FNIP2: variants seen among roughly 807,000 people sequenced by gnomAD.
FNIP2 encodes the protein folliculin-interacting protein 2.
FNIP2 carries 32 observed loss-of-function variants against 108.7 expected under a neutral mutation model. The ratio of observed to expected loss-of-function variants is 0.29; its 90% CI spans 0.22 to 0.40. FNIP2 has a LOEUF of 0.40. FNIP2 is among the 10% of genes least tolerant of loss of function. The probability of loss-of-function intolerance (pLI) is 1.00; values close to 1 mark genes in which losing one functional copy is unlikely to be tolerated. For synonymous variants in FNIP2, 480 were observed against 496.7 expected (o/e 0.97, Z 0.45); for missense variants, 1,202 against 1,381.6 (o/e 0.87, Z 2.06).
In FNIP2 at chr4:158,835,409, C is replaced by T. The variant is rs911319391; in HGVS notation, c.660C>T (p.His220=). Residue 220 remains histidine, a synonymous_variant, in exon 7 of 17, where the codon CAC becomes CAT. Coordinates refer to ENST00000264433, the MANE Select transcript of FNIP2 (RefSeq NM_020840.3). ...GPCRTGSNLA[H]STPVDMPSRG... ...TTTCTTGTTCCTTTATCTTAGCACACAGCACACCAGTTGATATGCCAAGCA... is the reference window on the plus strand; with the variant it reads ...TTTCTTGTTCCTTTATCTTAGCACATAGCACACCAGTTGATATGCCAAGCA... 2 of 1,611,886 alleles carry T rather than the reference C, an allele frequency of 1.2e-6. No individual in the cohort carries two copies. The highest frequency in any genetic ancestry group is 1.7e-6 in the Non-Finnish European group (2 of 1,178,758).
At chr4:158,799,553 A>G (rs959391093) in intron 1 of FNIP2, among the ~76,000 whole-genome samples, 11 of 152,206 alleles carry the variant, frequency 7.2e-5, no homozygotes, top group Admixed American at 5.9e-4. Flanking sequence ...AGAGAATGAG[A>G]GATCTGTGAA....
At chr4:158,828,581 A>G (rs1778286558) in intron 2 of FNIP2, among the ~76,000 whole-genome samples, 1 of 152,172 alleles carries the variant, frequency 6.6e-6, no homozygotes. Context: ...ATGCCGCTGC[A>G]CTACAGCCTG....
intron 1 of FNIP2, among the ~76,000 whole-genome samples, chr4:158,793,225 G>A (rs904378929): frequency 2.0e-5 from 3 of 152,202 alleles, no homozygotes; most frequent in Non-Finnish European, 2.9e-5. Flanking sequence ...TGCCTACAAG[G>A]TGCAGCTGTC....
intron 10 of FNIP2, 133 bp from the exon 11 acceptor site, chr4:158,861,207 CCT>C (rs1368095542): frequency 9.4e-7 from 1 of 1,065,666 alleles, no homozygotes; most frequent in Non-Finnish European, 1.3e-6. Flanking sequence ...GTGTGCAACC[CCT>C]GTTATGTGTG....
chr4:158,863,011 A>G (rs956284163), intron 12 of FNIP2, among the ~76,000 whole-genome samples: 1 of 152,224 alleles, frequency 6.6e-6, no homozygotes, highest in Admixed American at 6.5e-5. Context: ...GTTCAGCATA[A>G]TAACGAAGAG....
rs565699354 is a variant in FNIP2, at chr4:158,833,940, C to T, written c.655+312C>T. The T allele has an allele frequency of 7.9e-5, 94 of 1,190,350 alleles. No homozygotes were observed. In the African/African-American group the frequency reaches 1.2e-3, roughly 16 times the overall value. The allele number at this position is 1,190,350 out of a possible 1,614,324, so 73.7% of individuals were successfully genotyped here. A position where few individuals can be genotyped will look rare whatever the true frequency, so the allele number is the denominator to read the frequency against. Reference sequence around the variant, plus strand: ...TGTGACCCACACATATTAATAAATCCTGTGCAGGTTCTTAGGAAAAATCCT... The same window carrying T: ...TGTGACCCACACATATTAATAAATCTTGTGCAGGTTCTTAGGAAAAATCCT... On this transcript the variant is annotated intron_variant, in intron 6 of 16. Coordinates refer to ENST00000264433, the MANE Select transcript of FNIP2 (RefSeq NM_020840.3).
intron 15 of FNIP2, among the ~76,000 whole-genome samples, chr4:158,892,961 A>T (rs1578992037): frequency 1.3e-5 from 2 of 152,228 alleles, no homozygotes; most frequent in East Asian, 3.8e-4. Context: ...CTAGACTTTT[A>T]TGACTTTGAA....
At chr4:158,886,406 G>A (rs2126761212) in intron 14 of FNIP2, among the ~76,000 whole-genome samples, 1 of 152,140 alleles carries the variant, frequency 6.6e-6, no homozygotes, top group East Asian at 1.9e-4. Context: ...AGAAGTTTCC[G>A]AGTTACCCAA....
chr4:158,797,392 G>A (rs564790638), intron 1 of FNIP2, among the ~76,000 whole-genome samples: 1 of 152,258 alleles, frequency 6.6e-6, no homozygotes, highest in South Asian at 2.1e-4. Context: ...AGGCTATTAC[G>A]GTAGTCCTGG....
chr4:158,877,680 G>A (rs1259200814), intron 14 of FNIP2, among the ~76,000 whole-genome samples: 1 of 152,242 alleles, frequency 6.6e-6, no homozygotes, highest in East Asian at 1.9e-4. Flanking sequence ...TTTTGGGTTA[G>A]AGTGGGGAGA....
chr4:158,809,796 T>C (rs1212159566), intron 1 of FNIP2, among the ~76,000 whole-genome samples: 1 of 152,226 alleles, frequency 6.6e-6, no homozygotes, highest in Non-Finnish European at 1.5e-5. Flanking sequence ...ATCTTGAAAT[T>C]TGAATTCAGA....
Position 158,769,178 on chromosome 4 carries a change from C to A in FNIP2, c.-35C>A, listed in dbSNP as rs755203757. ...GGCTGCGCGCTGAGCCGCCGGCCCC[C>A]CGAGCGCCACGGCCGGAGCTGCGGC... On this transcript the variant is annotated 5_prime_UTR_variant, in exon 1 of 17. Transcript: ENST00000264433. 15 of 1,201,806 alleles carry A rather than the reference C, an allele frequency of 1.2e-5. No homozygotes were observed. The South Asian group carries it at 1.8e-4, about 15-fold the overall frequency. 74.4% of individuals were successfully genotyped at this position (1,201,806 alleles called of 1,614,324 possible).
intron 14 of FNIP2, among the ~76,000 whole-genome samples, chr4:158,885,054 G>T (rs1781950396): frequency 6.6e-6 from 1 of 152,010 alleles, no homozygotes; most frequent in African/African-American, 2.4e-5. Flanking sequence ...TACTCGGGAG[G>T]CTGAGGCACG....
At chr4:158,820,336 A>C (rs1164316996) in intron 1 of FNIP2, among the ~76,000 whole-genome samples, 1 of 152,224 alleles carries the variant, frequency 6.6e-6, no homozygotes, top group Non-Finnish European at 1.5e-5. Flanking sequence ...AAAGTTCAAG[A>C]GAAGAAACAA....
At chr4:158,791,068 G>C (rs928635000) in intron 1 of FNIP2, among the ~76,000 whole-genome samples, 9 of 152,042 alleles carry the variant, frequency 5.9e-5, no homozygotes, top group African/African-American at 2.2e-4. Flanking sequence ...GGAATGGAGA[G>C]AGAGGGGTGA....
chr4:158,874,160 T>C (rs1301469286), intron 14 of FNIP2, among the ~76,000 whole-genome samples: 1 of 152,218 alleles, frequency 6.6e-6, no homozygotes, highest in Admixed American at 6.5e-5. Flanking sequence ...ATGTATTTAG[T>C]GGAACAGATG....
chr4:158,810,545 G>C (rs1186382330), intron 1 of FNIP2, among the ~76,000 whole-genome samples: 1 of 152,190 alleles, frequency 6.6e-6, no homozygotes, highest in Admixed American at 6.5e-5. Context: ...AATGAATCAA[G>C]GAATGCAGTG....
Position 158,869,280 on chromosome 4 carries a change from A to G in FNIP2, c.2644A>G (p.Arg882Gly). The G allele has an allele frequency of 6.2e-7, 1 of 1,614,008 alleles. No homozygotes were observed. Among genetic ancestry groups the G allele is most frequent in the African/African-American group, 1.3e-5 (1 of 75,076 alleles). Residue 882 changes from arginine (R) to glycine (G), a missense_variant, in exon 13 of 17, where the codon AGG (arginine) becomes GGG (glycine). Transcript: ENST00000264433. ...CGDDNKKANF[R>G]TEGDIPRNES... ...GGATGACAACAAGAAGGCCAACTTCAGGACTGAAGGAGACATTCCCCGAAA... is the reference window on the plus strand; with the variant it reads ...GGATGACAACAAGAAGGCCAACTTCGGGACTGAAGGAGACATTCCCCGAAA...
At chr4:158,828,951 A>G in intron 2 of FNIP2, 128 bp from the exon 3 acceptor site, 1 of 752,414 alleles carries the variant, frequency 1.3e-6, no homozygotes, top group Non-Finnish European at 2.0e-6. Flanking sequence ...TGGGGAAAAA[A>G]AAAAGCTTCT....
Sources: allele counts gnomAD v4.1 joint callset (sites outside exome capture counted in the v4.1 genomes callset), GRCh38; gene constraint gnomAD v4.1.1; transcripts MANE v1.5; gene names NCBI Gene and HGNC (gene_info 2026-07-23, HGNC 2026-07-21).